Variants in SLC2A13 observed in about 807,000 individuals in gnomAD.
SLC2A13 encodes the protein solute carrier family 2 member 13.
SLC2A13 carries 32 observed loss-of-function variants against 64.4 expected under a neutral mutation model. The ratio of observed to expected loss-of-function variants is 0.50; its 90% CI spans 0.37 to 0.67. The LOEUF is 0.67. SLC2A13 is among the 30% of genes least tolerant of loss of function. The pLI, the probability that SLC2A13 is intolerant of heterozygous loss-of-function variation, is 0.00. For synonymous variants in SLC2A13, 338 were observed against 327.1 expected (o/e 1.03, Z -0.36); for missense variants, 743 against 829.2 (o/e 0.90, Z 1.28).
intron 4 of SLC2A13, among the ~76,000 whole-genome samples, chr12:39,892,249 C>T (rs1387229603): frequency 6.6e-6 from 1 of 152,210 alleles, no homozygotes; most frequent in African/African-American, 2.4e-5. Context: ...CATTAATCTG[C>T]CTGTCTTGCA....
rs1000521589 is a variant in SLC2A13, at chr12:40,106,028, G to C, written c.-220C>G. ...ACGCTGCGGAGTTGGAGCCCGGCGGGTCTCACTCCACACTCACGCCCCGCG... is the reference window on the plus strand; with the variant it reads ...ACGCTGCGGAGTTGGAGCCCGGCGGCTCTCACTCCACACTCACGCCCCGCG... On this transcript the variant is annotated 5_prime_UTR_variant, in exon 1 of 10. Transcript: ENST00000280871. 3.1e-4 allele frequency: 143 copies of C among 466,540 alleles called. No homozygotes were observed. The highest frequency in any genetic ancestry group is 2.6e-3 in the African/African-American group (129 of 48,902). 28.9% of individuals were successfully genotyped at this position (466,540 alleles called of 1,614,324 possible).
chr12:39,984,413 G>A (rs781289399), intron 3 of SLC2A13, among the ~76,000 whole-genome samples: 10 of 151,696 alleles, frequency 6.6e-5, no homozygotes, highest in Non-Finnish European at 1.3e-4. Context: ...TAAAAGAGAC[G>A]GAAATAAAAA....
At chr12:39,767,274 C>G (rs1743202811) in intron 7 of SLC2A13, among the ~76,000 whole-genome samples, 1 of 149,704 alleles carries the variant, frequency 6.7e-6, no homozygotes, top group African/African-American at 2.5e-5. Flanking sequence ...GTGTCATTGT[C>G]AATCAGCAGT....
At chr12:39,952,009 T>C (rs547443721) in intron 3 of SLC2A13, among the ~76,000 whole-genome samples, 2 of 152,102 alleles carry the variant, frequency 1.3e-5, no homozygotes, top group South Asian at 4.1e-4. Flanking sequence ...TTCTAAATTT[T>C]GAATAGTCCC....
intron 4 of SLC2A13, among the ~76,000 whole-genome samples, chr12:39,943,850 C>T (rs1946085689): frequency 6.6e-6 from 1 of 152,188 alleles, no homozygotes; most frequent in Non-Finnish European, 1.5e-5. Context: ...GAGCCTACAC[C>T]ATCAGCACCC....
Position 39,970,149 on chromosome 12 carries a change from G to A in SLC2A13, c.926-18784C>T, listed in dbSNP as rs547036949. 2.9e-4 allele frequency among the ~76,000 whole-genome samples: 44 copies of A among 152,134 alleles called. 1 individual carries two copies. In the East Asian group the frequency reaches 6.4e-3, roughly 22 times the overall value. ...ATTTCTGAGGGCACTGTTCTGTTCC[G>A]TTGATCTATATCTCTGTTTTGGTAC... On this transcript the variant is annotated intron_variant, in intron 3 of 9. Coordinates refer to ENST00000280871, the MANE Select transcript of SLC2A13 (RefSeq NM_052885.4).
intron 7 of SLC2A13, among the ~76,000 whole-genome samples, chr12:39,814,043 A>G (rs2135812278): frequency 6.6e-6 from 1 of 152,304 alleles, no homozygotes; most frequent in East Asian, 1.9e-4. Flanking sequence ...AACTATAATC[A>G]TATCTTTCAA....
chr12:39,951,946 A>G lies in SLC2A13; in HGVS notation c.926-581T>C, dbSNP rs1028510449. Among the ~76,000 whole-genome samples the G allele has an allele frequency of 7.2e-5, 11 of 152,036 alleles. 1 individual carries two copies. ...AAGTTAATAAAGAAAAACAATTAAT[A>G]CCTATTATCTATAGATGTGTGTATG... On this transcript the variant is annotated intron_variant, in intron 3 of 9. Transcript: ENST00000280871.
intron 4 of SLC2A13, among the ~76,000 whole-genome samples, chr12:39,902,706 G>A (rs572004982): frequency 3.2e-4 from 48 of 151,804 alleles, no homozygotes; most frequent in African/African-American, 8.5e-4. Flanking sequence ...TCCCAAATGC[G>A]TCACCTTCAT....
chr12:39,834,554 A>G (rs1163184464), intron 6 of SLC2A13, among the ~76,000 whole-genome samples: 1 of 152,060 alleles, frequency 6.6e-6, no homozygotes, highest in East Asian at 1.9e-4. Flanking sequence ...AAAAGCATGA[A>G]AAACTATTCC....
At chr12:39,973,318 C>A (rs28370622) in intron 3 of SLC2A13, among the ~76,000 whole-genome samples, 6 of 152,280 alleles carry the variant, frequency 3.9e-5, no homozygotes, top group Non-Finnish European at 8.8e-5. Context: ...TTTCAGAAAC[C>A]ACTTTCTTTT....
chr12:39,899,529 A>T (rs1284811732), intron 4 of SLC2A13, among the ~76,000 whole-genome samples: 1 of 151,924 alleles, frequency 6.6e-6, no homozygotes, highest in Non-Finnish European at 1.5e-5. Flanking sequence ...CTAGCTTTTG[A>T]ATGTGTTTGC....
chr12:40,082,438 G>A (rs986736428), intron 1 of SLC2A13, among the ~76,000 whole-genome samples: 9 of 152,186 alleles, frequency 5.9e-5, no homozygotes, highest in African/African-American at 2.2e-4. Context: ...CTGTGAGGAT[G>A]GATATTCTAA....
At chr12:39,908,825 A>C (rs1217311054) in intron 4 of SLC2A13, among the ~76,000 whole-genome samples, 1 of 152,022 alleles carries the variant, frequency 6.6e-6, no homozygotes, top group African/African-American at 2.4e-5. Flanking sequence ...CCAGGAAAAC[A>C]GACCTTGTAT....
chr12:39,858,731 C>T (rs539061814), intron 6 of SLC2A13, among the ~76,000 whole-genome samples: 8 of 152,198 alleles, frequency 5.3e-5, no homozygotes, highest in East Asian at 1.9e-4. Context: ...CTCAGCCTCC[C>T]GAGTAGCTGG....
At chr12:39,853,256 T>C (rs148218735) in intron 6 of SLC2A13, among the ~76,000 whole-genome samples, 5 of 152,266 alleles carry the variant, frequency 3.3e-5, no homozygotes, top group Admixed American at 3.3e-4. Context: ...ATATCCTTTG[T>C]GGAAAATAAA....
At chr12:39,822,324 C>T (rs1942544752) in intron 7 of SLC2A13, among the ~76,000 whole-genome samples, 1 of 152,072 alleles carries the variant, frequency 6.6e-6, no homozygotes, top group Non-Finnish European at 1.5e-5. Context: ...CTATCCATGT[C>T]CAGGTATCAC....
intron 9 of SLC2A13, among the ~76,000 whole-genome samples, chr12:39,764,182 A>G (rs1393848455): frequency 6.6e-6 from 1 of 151,610 alleles, no homozygotes; most frequent in African/African-American, 2.4e-5. Context: ...AAAGACTTCC[A>G]CCTGGGGAGA....
chr12:39,879,383 T>C (rs113787057), intron 4 of SLC2A13, among the ~76,000 whole-genome samples: 3,236 of 152,264 alleles, frequency 0.021, 97 homozygotes, highest in African/African-American at 0.07. Context: ...GGAAAAGCCA[T>C]AGGCATTCAA....
Sources: allele counts gnomAD v4.1 joint callset (sites outside exome capture counted in the v4.1 genomes callset), GRCh38; gene constraint gnomAD v4.1.1; transcripts MANE v1.5; gene names NCBI Gene and HGNC (gene_info 2026-07-23, HGNC 2026-07-21).